The following ABCA3 variants were observed in gnomAD, a reference collection of about 807,000 sequenced individuals.
ABCA3 encodes the protein ATP binding cassette subfamily A member 3, also known as phospholipid-transporting ATPase ABCA3.
In ABCA3, 88 loss-of-function variants were observed where a neutral mutation model predicts 172.8. That is an observed-to-expected ratio of 0.51 (90% CI 0.43 to 0.61). The LOEUF is 0.61. Among genes scored for constraint, ABCA3 ranks in the 20% least tolerant of loss-of-function variants. ABCA3 has a pLI of 0.00. For synonymous variants in ABCA3, 1,066 were observed against 983.8 expected (o/e 1.08, Z -1.56); for missense variants, 2,164 against 2,301.0 (o/e 0.94, Z 1.22).
At chr16:2,303,525 C>G (rs545465010) in intron 12 of ABCA3, among the ~76,000 whole-genome samples, 2 of 152,194 alleles carry the variant, frequency 1.3e-5, no homozygotes, top group East Asian at 3.9e-4. Flanking sequence ...CCACCTTGGC[C>G]TCCCAAAGAG....
Position 2,286,834 on chromosome 16 carries a change from C to G in ABCA3, c.3138G>C (p.Ala1046=). 1 of 1,614,106 alleles carries G rather than the reference C, an allele frequency of 6.2e-7. No homozygotes were observed. The highest frequency in any genetic ancestry group is 8.5e-7 in the Non-Finnish European group (1 of 1,180,030). Residue 1046 remains alanine (A), a synonymous_variant, in exon 22 of 33, where the codon GCG becomes GCC. Transcript: ENST00000301732. The surrounding 1 kb of genome is among the most constrained non-coding windows in gnomAD (Gnocchi z 5.2). The part of the protein sequence containing the change: ...TVVNALFNNQ[A]YHSPATALAV... ...CCAGGGCAGTGGCTGGAGAGTGGTA[C>G]GCCTGGTTGTTGAACAAGGCGTTGA...
At chr16:2,294,310 G>A (rs762319890) in intron 18 of ABCA3, among the ~76,000 whole-genome samples, 6 of 151,914 alleles carry the variant, frequency 3.9e-5, no homozygotes, top group Non-Finnish European at 8.8e-5. Context: ...ACAGGCGTGC[G>A]CCACTATGCA....
chr16:2,312,265 C>T (rs1338865818), intron 10 of ABCA3, among the ~76,000 whole-genome samples: 1 of 152,064 alleles, frequency 6.6e-6, no homozygotes, highest in Non-Finnish European at 1.5e-5. Flanking sequence ...ACCAAACACC[C>T]GAGGGGGAAT....
chr16:2,299,640 G>GTGA, intron 13 of ABCA3, 108 bp from the exon 14 acceptor site: 5 of 1,543,426 alleles, frequency 3.2e-6, no homozygotes, highest in Non-Finnish European at 4.4e-6. Flanking sequence ...CAAGCCTAGC[G>GTGA]TCACCATCAG....
chr16:2,278,568 G>C lies in ABCA3; in HGVS notation c.4548-110C>G. 7.2e-7 allele frequency: 1 copy of C among 1,384,382 alleles called. No homozygotes were observed. Among genetic ancestry groups the C allele is most frequent in the Non-Finnish European group, 1.0e-6 (1 of 1,000,552 alleles). 85.8% of individuals were successfully genotyped at this position (1,384,382 alleles called of 1,614,324 possible). ...CAGCGGCCCACACCCAGCAATTGCA[G>C]AACAGCCCTAGTGAAGAGGAAGGAG... On this transcript the variant is annotated intron_variant, in intron 29 of 32. Coordinates refer to ENST00000301732, the MANE Select transcript of ABCA3 (RefSeq NM_001089.3). The surrounding 1 kb of genome is among the most constrained non-coding windows in gnomAD (Gnocchi z 4.4).
intron 1 of ABCA3, among the ~76,000 whole-genome samples, chr16:2,333,735 C>T (rs536182710): frequency 3.1e-4 from 47 of 149,376 alleles, no homozygotes; most frequent in African/African-American, 1.1e-3. Flanking sequence ...GTTGCCCAGG[C>T]TGGACTGCAG....
Position 2,316,945 on chromosome 16 carries a change from A to G in ABCA3, c.1111+338T>C, listed in dbSNP as rs539933769. On this transcript the variant is annotated intron_variant, in intron 10 of 32. Coordinates refer to ENST00000301732, the MANE Select transcript of ABCA3 (RefSeq NM_001089.3). Reference sequence around the variant, plus strand: ...AGCAAAAGAGAATGATAACAAAGTGACACACAAAATCCAGACAGGAAAAAT... The same window carrying G: ...AGCAAAAGAGAATGATAACAAAGTGGCACACAAAATCCAGACAGGAAAAAT... 9.1e-4 allele frequency among the ~76,000 whole-genome samples: 139 copies of G among 152,330 alleles called. 2 individuals are homozygous for G. In the South Asian group the frequency reaches 0.027, roughly 30 times the overall value.
chr16:2,331,931 C>A (rs538943756), intron 1 of ABCA3, among the ~76,000 whole-genome samples: 128 of 152,314 alleles, frequency 8.4e-4, no homozygotes, highest in African/African-American at 2.9e-3. Flanking sequence ...AAAGGGAAGG[C>A]AAACCTTTTC....
chr16:2,303,709 A>G (rs1175650774), intron 12 of ABCA3, among the ~76,000 whole-genome samples: 2 of 152,186 alleles, frequency 1.3e-5, no homozygotes, highest in African/African-American at 4.8e-5. Flanking sequence ...GAGGGGCCAG[A>G]GCAGCCGGTT....
rs1449027883 is a variant in ABCA3, at chr16:2,294,207, T to C, written c.2414+1383A>G. On this transcript the variant is annotated intron_variant, in intron 18 of 32. Coordinates refer to ENST00000301732, the MANE Select transcript of ABCA3 (RefSeq NM_001089.3). ...TAATTTTTGTATTTTTTTTTTTTTT[T>C]AGTAGAGACGAGGTTTCACCGTGTT... Among the ~76,000 whole-genome samples the C allele has an allele frequency of 8.6e-5, 13 of 151,140 alleles. No homozygotes were observed. The East Asian group carries it at 2.0e-3, about 23-fold the overall frequency.
chr16:2,288,481 G>A (rs538258058), intron 20 of ABCA3, 152 bp from the exon 21 acceptor site: 14 of 937,184 alleles, frequency 1.5e-5, no homozygotes, highest in African/African-American at 9.9e-5. Context: ...TGAAACGGCC[G>A]TGGGAGGAGC....
intron 1 of ABCA3, chr16:2,332,636 C>A: frequency 6.2e-7 from 1 of 1,602,026 alleles, no homozygotes; most frequent in African/African-American, 1.3e-5. Context: ...TCAATCTTCT[C>A]CAGGGGCCGC....
At chr16:2,311,480 G>A (rs1025451933) in intron 10 of ABCA3, among the ~76,000 whole-genome samples, 20 of 151,992 alleles carry the variant, frequency 1.3e-4, no homozygotes, top group African/African-American at 4.4e-4. Context: ...AACTTTTTGC[G>A]CTCTGTTACA....
intron 20 of ABCA3, 34 bp from the exon 21 acceptor site, chr16:2,288,363 C>T (rs1019133915): frequency 4.3e-5 from 66 of 1,531,432 alleles, no homozygotes; most frequent in Non-Finnish European, 5.2e-5. Flanking sequence ...ACACCGGCAC[C>T]GCTTGGGGCC....
chr16:2,284,484 C>G lies in ABCA3; in HGVS notation c.3704-47G>C. The G allele has an allele frequency of 6.2e-7, 1 of 1,609,798 alleles. No homozygotes were observed. Among genetic ancestry groups the G allele is most frequent in the Non-Finnish European group, 8.5e-7 (1 of 1,177,260 alleles). On this transcript the variant is annotated intron_variant, in intron 24 of 32. Coordinates refer to ENST00000301732, the MANE Select transcript of ABCA3 (RefSeq NM_001089.3). The surrounding 1 kb of genome is among the most constrained non-coding windows in gnomAD (Gnocchi z 5.9). ...AGTCTGCGCTGGAGGGCACACCACA[C>G]CCACCTCCAGGACGGGCCTGGTCAG...
Position 2,307,322 on chromosome 16 carries a change from G to A in ABCA3, c.1285+1128C>T, listed in dbSNP as rs990495384. 7.2e-5 allele frequency among the ~76,000 whole-genome samples: 11 copies of A among 151,966 alleles called. No individual in the cohort carries two copies. The East Asian group carries it at 1.2e-3, about 16-fold the overall frequency. On this transcript the variant is annotated intron_variant, in intron 11 of 32. Coordinates refer to ENST00000301732, the MANE Select transcript of ABCA3 (RefSeq NM_001089.3). ...TGTAATCCTAGCACTTTCGGAGGCC[G>A]AGGGCAGATCACTTTAGGTCAGGAG...
In ABCA3 at chr16:2,283,076, G is replaced by A; in HGVS notation, c.4035+110C>T. On this transcript the variant is annotated intron_variant, in intron 26 of 32. Transcript: ENST00000301732. This position sits in a 1 kb window ranked among gnomAD's most constrained non-coding sequence, Gnocchi z 5.4. ...GCCGTACAGTGGGAGACCATCTGGT[G>A]CAGGAGCTGCCTGGTGGAGAAGGAG... is the stretch of plus-strand genomic sequence containing the variant. 5 of 1,251,308 alleles carry A rather than the reference G, an allele frequency of 4.0e-6. No homozygotes were observed. Among genetic ancestry groups the A allele is most frequent in the Non-Finnish European group, 5.7e-6 (5 of 882,748 alleles). 77.5% of individuals were successfully genotyped at this position (1,251,308 alleles called of 1,614,324 possible). A position where few individuals can be genotyped will look rare whatever the true frequency, so the allele number is the denominator to read the frequency against.
rs749390335 is a variant in ABCA3 at position 2,286,930 on chromosome 16, C to G, written c.3042G>C (p.Val1014=). The change falls in exon 22 of 33, where the codon GTG becomes GTC. Residue 1014 remains valine, a synonymous_variant. Transcript: ENST00000301732. The surrounding 1 kb of genome is among the most constrained non-coding windows in gnomAD (Gnocchi z 5.2). ...ACCGCTCATTAAAGCCGCCCCCCTC[C>G]ACAGAAGCCCTGAAGATCAAGAACT... ...LEEFLIFRAS[V]EGGGFNERCL... 9.3e-6 allele frequency: 15 copies of G among 1,613,784 alleles called. No homozygotes were observed. Among genetic ancestry groups the G allele is most frequent in the Non-Finnish European group, 2.5e-6 (3 of 1,180,006 alleles).
chr16:2,301,745 G>A (rs928489151), intron 12 of ABCA3, among the ~76,000 whole-genome samples: 2 of 151,786 alleles, frequency 1.3e-5, no homozygotes, highest in African/African-American at 2.4e-5. Flanking sequence ...ACCTTAACTA[G>A]CCATCGGTAG....
Sources: allele counts gnomAD v4.1 joint callset (sites outside exome capture counted in the v4.1 genomes callset), GRCh38; gene constraint gnomAD v4.1.1; non-coding constraint Gnocchi (gnomAD v3.1); transcripts MANE v1.5; gene names NCBI Gene and HGNC (gene_info 2026-07-23, HGNC 2026-07-21).